The following DAB1 variants were observed in gnomAD, a reference collection of about 807,000 sequenced individuals.
DAB1 encodes the protein disabled homolog 1.
A neutral mutation model predicts 64.6 loss-of-function variants in DAB1; 15 were observed. The ratio of observed to expected loss-of-function variants is 0.23; its 90% CI spans 0.16 to 0.36. The LOEUF is 0.36. Ranked by LOEUF, DAB1 falls within the 10% of genes least tolerant of loss-of-function variation. The pLI is 1.00. For synonymous variants in DAB1, 235 were observed against 251.9 expected, an observed-to-expected ratio of 0.93 and a Z score of 0.64; for missense variants, 596 against 706.7, an observed-to-expected ratio of 0.84 and a Z score of 1.78.
chr1:57,556,594 A>G (rs1644991777), intron 7 of DAB1, among the ~76,000 whole-genome samples: 1 of 152,094 alleles, frequency 6.6e-6, no homozygotes, highest in African/African-American at 2.4e-5. Flanking sequence ...AGAATTGTCT[A>G]TTCACATCCT....
At chr1:57,058,790 G>A (rs550342341) in intron 9 of DAB1, among the ~76,000 whole-genome samples, 6 of 152,132 alleles carry the variant, frequency 3.9e-5, no homozygotes, top group East Asian at 3.9e-4. Context: ...TTCAAACCCC[G>A]GTATCTCTCA....
intron 5 of DAB1, among the ~76,000 whole-genome samples, chr1:57,908,257 C>T (rs1038066079): frequency 2.0e-5 from 3 of 152,104 alleles, no homozygotes; most frequent in African/African-American, 7.2e-5. Flanking sequence ...TCTGGGAGAC[C>T]TCCACCCTCC....
At chr1:57,751,891 T>C (rs1648571050) in intron 6 of DAB1, among the ~76,000 whole-genome samples, 1 of 152,164 alleles carries the variant, frequency 6.6e-6, no homozygotes, top group South Asian at 2.1e-4. Flanking sequence ...CCTGGAGAAT[T>C]GAATGCGATC....
intron 5 of DAB1, among the ~76,000 whole-genome samples, chr1:58,068,070 G>A (rs1242781877): frequency 1.3e-5 from 2 of 152,220 alleles, no homozygotes. Flanking sequence ...AGATGCTGAG[G>A]AGAGGGACAA....
At chr1:58,401,340 T>C (rs1292752599) in intron 3 of DAB1, among the ~76,000 whole-genome samples, 1 of 152,178 alleles carries the variant, frequency 6.6e-6, no homozygotes, top group Non-Finnish European at 1.5e-5. Flanking sequence ...TCTCAGATGT[T>C]GAGGGCAGGC....
chr1:57,588,360 T>C (rs896297657), intron 7 of DAB1, among the ~76,000 whole-genome samples: 3 of 152,234 alleles, frequency 2.0e-5, no homozygotes, highest in Non-Finnish European at 2.9e-5. Context: ...TGTAAAATAA[T>C]GGTAAAGTTA....
At chr1:57,010,586 C>T (rs1255949380) in intron 14 of DAB1, 94 bp downstream of exon 14, 2 of 603,010 alleles carry the variant, frequency 3.3e-6, no homozygotes, top group Non-Finnish European at 5.6e-6. Flanking sequence ...AGACATGGTG[C>T]AAACATTGAG....
intron 5 of DAB1, among the ~76,000 whole-genome samples, chr1:58,149,961 T>C (rs1197568345): frequency 2.0e-5 from 3 of 152,210 alleles, no homozygotes; most frequent in African/African-American, 2.4e-5. Context: ...GTTTAAATAC[T>C]CTTCAGGGTA....
At chr1:57,398,279 T>C (rs572654902) in intron 1 of DAB1, among the ~76,000 whole-genome samples, 43 of 152,154 alleles carry the variant, frequency 2.8e-4, no homozygotes, top group African/African-American at 9.6e-4. Context: ...AACTAGAACA[T>C]GGGGCCTTAT....
At chr1:58,480,867 CT>C (rs67922378) in intron 3 of DAB1, 4,454 of 596,610 alleles carry the variant, frequency 7.5e-3, no homozygotes, top group South Asian at 0.013. Context: ...CCTGAATATC[CT>C]TTTTTTTTTC....
chr1:57,031,520 C>T (rs563550079), intron 9 of DAB1, among the ~76,000 whole-genome samples: 34 of 152,320 alleles, frequency 2.2e-4, no homozygotes, highest in Admixed American at 1.0e-3. Context: ...ACAGCATAGG[C>T]GCCATTGTCA....
intron 5 of DAB1, among the ~76,000 whole-genome samples, chr1:58,057,260 T>C (rs1191872252): frequency 6.6e-6 from 1 of 152,164 alleles, no homozygotes; most frequent in African/African-American, 2.4e-5. Flanking sequence ...TTCACCTTTA[T>C]TCATTTCTAC....
intron 6 of DAB1, among the ~76,000 whole-genome samples, chr1:57,796,924 G>C (rs1239577729): frequency 6.6e-6 from 1 of 152,166 alleles, no homozygotes; most frequent in Admixed American, 6.5e-5. Context: ...CTATTGTGAT[G>C]TTCTCTGCCT....
intron 7 of DAB1, among the ~76,000 whole-genome samples, chr1:57,522,169 C>G (rs1360762675): frequency 6.6e-6 from 1 of 152,030 alleles, no homozygotes; most frequent in Non-Finnish European, 1.5e-5. Context: ...TTTGGAGGCA[C>G]TAGATTCCAA....
chr1:57,223,958 G>A (rs197621), intron 2 of DAB1, among the ~76,000 whole-genome samples: 60,349 of 151,970 alleles, frequency 0.4, 15,212 homozygotes, highest in African/African-American at 0.7. Context: ...CAATTCCTGG[G>A]TCCAGCCCTT....
At chr1:57,978,135 T>C (rs1021280286) in intron 5 of DAB1, among the ~76,000 whole-genome samples, 6 of 152,126 alleles carry the variant, frequency 3.9e-5, no homozygotes, top group African/African-American at 1.4e-4. Context: ...AGAACAAAGC[T>C]GGAGGCATTA....
At chr1:57,612,195 TTGTG>T (rs58605325) in intron 7 of DAB1, among the ~76,000 whole-genome samples, 215 of 149,652 alleles carry the variant, frequency 1.4e-3, no homozygotes, top group African/African-American at 4.7e-3. Context: ...TGGCATGATC[TTGTG>T]TGTGTGTGTG....
At chr1:57,579,490 T>G (rs1162091478) in intron 7 of DAB1, among the ~76,000 whole-genome samples, 1 of 152,220 alleles carries the variant, frequency 6.6e-6, no homozygotes, top group African/African-American at 2.4e-5. Context: ...CTTTGTAAAC[T>G]ATGGCTTTAT....
At chr1:58,126,556 C>T (rs1032904441) in intron 5 of DAB1, among the ~76,000 whole-genome samples, 6 of 151,650 alleles carry the variant, frequency 4.0e-5, no homozygotes, top group Non-Finnish European at 5.9e-5. Flanking sequence ...GCTGCACCCA[C>T]TAACTCGTCA....
Sources: allele counts gnomAD v4.1 joint callset (sites outside exome capture counted in the v4.1 genomes callset), GRCh38; gene constraint gnomAD v4.1.1; transcripts MANE v1.5; gene names NCBI Gene and HGNC (gene_info 2026-07-23, HGNC 2026-07-21).